SKOR2: variants seen among roughly 807,000 people sequenced by gnomAD.
The protein encoded by SKOR2 is LBX1 corepressor 1-like protein.
In SKOR2, 47 loss-of-function variants were observed where a neutral mutation model predicts 69.1. The observed-to-expected ratio is 0.68, with a 90% CI of 0.54 to 0.87. The LOEUF is 0.87. Among genes scored for constraint, SKOR2 ranks in the 40% least tolerant of loss-of-function variants. SKOR2 has a pLI of 0.00. For synonymous variants in SKOR2, 717 were observed against 672.6 expected (o/e 1.07, Z -1.02); for missense variants, 1,404 against 1,472.2 (o/e 0.95, Z 0.76).
At position 47,246,635 on chromosome 18, in the gene SKOR2, C is replaced by T. The variant is rs974434392; in HGVS notation, c.2549G>A (p.Gly850Asp). 17 of 1,520,350 alleles carry T rather than the reference C, an allele frequency of 1.1e-5. No homozygotes were observed. The African/African-American group carries it at 2.3e-4, about 20-fold the overall frequency. The allele number at this position is 1,520,350 out of a possible 1,614,324, so 94.2% of individuals were successfully genotyped here. A position where few individuals can be genotyped will look rare whatever the true frequency, so the allele number is the denominator to read the frequency against. Residue 850 changes from glycine (G) to aspartate (D), a missense_variant, in exon 2 of 9, where the codon GGC becomes GAC. Transcript: ENST00000425639. ...PLAPQKASGG[G>D]SSSPGSPVHH... The stretch of plus-strand genomic sequence containing the variant: ...AACTGGGCTGCCCGGGCTGCTGCTG[C>T]CGCCGCCACTCGCCTTCTGGGGGGC...
intron 4 of SKOR2, among the ~76,000 whole-genome samples, chr18:47,236,725 C>A (rs1364602868): frequency 6.6e-6 from 1 of 152,212 alleles, no homozygotes; most frequent in Non-Finnish European, 1.5e-5. Context: ...GACTTCCCAG[C>A]ATCCAGAACT....
At chr18:47,243,174 A>C (rs1003441940) in intron 4 of SKOR2, among the ~76,000 whole-genome samples, 6 of 152,222 alleles carry the variant, frequency 3.9e-5, no homozygotes, top group Admixed American at 2.0e-4. Flanking sequence ...CATTGGTCGT[A>C]CAAGACAGAC....
chr18:47,222,315 CAA>C (rs57282613), intron 6 of SKOR2, among the ~76,000 whole-genome samples: 19 of 112,488 alleles, frequency 1.7e-4, no homozygotes, highest in Middle Eastern at 4.7e-3. Context: ...GACTCTGCCT[CAA>C]AAAAAAAAAA....
chr18:47,236,094 C>A (rs2144502340), intron 4 of SKOR2, among the ~76,000 whole-genome samples: 1 of 152,322 alleles, frequency 6.6e-6, no homozygotes. Flanking sequence ...AGGTAATCCT[C>A]TCACCTCAGC....
chr18:47,248,134 G>T lies in SKOR2; in HGVS notation c.1050C>A (p.Gly350=). The T allele has an allele frequency of 1.6e-6, 2 of 1,277,892 alleles. No homozygotes were observed. The highest frequency in any genetic ancestry group is 9.8e-7 in the Non-Finnish European group (1 of 1,020,720). The allele number at this position is 1,277,892 out of a possible 1,614,324, so 79.2% of individuals were successfully genotyped here. ...AASGGAGTGG[G]GAGGGCVAGV... ...CGGCCACACAGCCACCCCCAGCGCC[G>T]CCCCCACCAGTCCCCGCGCCGCCCG... The change falls in exon 2 of 9, where the codon GGC becomes GGA. Residue 350 remains glycine, a synonymous_variant. Coordinates refer to ENST00000425639, the MANE Select transcript of SKOR2 (RefSeq NM_001278063.4). The surrounding 1 kb of genome is among the most constrained non-coding windows in gnomAD (Gnocchi z 6.4).
chr18:47,249,333 G>T, intron 1 of SKOR2, 103 bp from the exon 2 acceptor site: 1 of 1,110,230 alleles, frequency 9.0e-7, no homozygotes, highest in Non-Finnish European at 1.2e-6. Context: ...TCTTGCTTTG[G>T]TTAAGACACG....
chr18:47,217,987 T>C (rs867762983), intron 7 of SKOR2, among the ~76,000 whole-genome samples: 2 of 152,286 alleles, frequency 1.3e-5, no homozygotes, highest in Middle Eastern at 3.4e-3. Context: ...TAAGACAGCA[T>C]AATAAAATGA....
chr18:47,233,895 C>T (rs1396764690), intron 4 of SKOR2, among the ~76,000 whole-genome samples: 2 of 152,160 alleles, frequency 1.3e-5, no homozygotes, highest in African/African-American at 4.8e-5. Flanking sequence ...TAAACACAGG[C>T]AAATCTACTG....
In SKOR2 at chr18:47,221,675, AT is replaced by A. The variant is rs143613414; in HGVS notation, c.2918-1666del. ...CCCCTCCTGCCAGAATTATTTACCC[AT>A]TTTTTTTTGTACTTCTCCAGCACCC... On this transcript the variant is annotated intron_variant, in intron 6 of 8. Transcript: ENST00000425639. Among the ~76,000 whole-genome samples, 5 of 151,124 alleles carry A rather than the reference AT, an allele frequency of 3.3e-5. No individual in the cohort carries two copies. The East Asian group carries it at 7.8e-4, about 24-fold the overall frequency.
chr18:47,232,279 A>G (rs2064202762), intron 4 of SKOR2, among the ~76,000 whole-genome samples: 1 of 152,216 alleles, frequency 6.6e-6, no homozygotes, highest in Non-Finnish European at 1.5e-5. Context: ...AAAGAAAACT[A>G]TATTGCGCAT....
At chr18:47,226,685 A>C (rs952944167) in intron 6 of SKOR2, among the ~76,000 whole-genome samples, 3 of 152,240 alleles carry the variant, frequency 2.0e-5, no homozygotes, top group Non-Finnish European at 2.9e-5. Context: ...TTTACTATAC[A>C]GTCACTACAA....
intron 3 of SKOR2, 54 bp from the exon 4 acceptor site, chr18:47,245,036 C>A (rs2064265306): frequency 6.9e-7 from 1 of 1,451,554 alleles, no homozygotes; most frequent in Non-Finnish European, 9.2e-7. Flanking sequence ...ACAAGAGGCA[C>A]ACAAAGATCC....
In SKOR2 at chr18:47,247,090, C is replaced by T; in HGVS notation, c.2094G>A (p.Pro698=). ...SERHHPAPPP[P]PPPPPPPPLA... ...GAGGGGGCGGCGGGGGCGGCGGCGGCGGCGGCGGCGGGGCCGGGTGGTGGC... is the reference window on the plus strand; with the variant it reads ...GAGGGGGCGGCGGGGGCGGCGGCGGTGGCGGCGGCGGGGCCGGGTGGTGGC... The change falls in exon 2 of 9, where the codon CCG becomes CCA. Residue 698 remains proline, a synonymous_variant. Coordinates refer to ENST00000425639, the MANE Select transcript of SKOR2 (RefSeq NM_001278063.4). This position sits in a 1 kb window ranked among gnomAD's most constrained non-coding sequence, Gnocchi z 6.6. The T allele has an allele frequency of 9.7e-7, 1 of 1,030,112 alleles. No homozygotes were observed. The highest frequency in any genetic ancestry group is 2.5e-5 in the South Asian group (1 of 40,280). 63.8% of individuals were successfully genotyped at this position (1,030,112 alleles called of 1,614,324 possible).
Position 47,234,966 on chromosome 18 carries a change from C to T in SKOR2, c.2753-3966G>A. Among the ~76,000 whole-genome samples the T allele has an allele frequency of 1.3e-5, 2 of 151,758 alleles. 1 individual carries two copies. The highest frequency in any genetic ancestry group is 2.9e-5 in the Non-Finnish European group (2 of 67,980). On this transcript the variant is annotated intron_variant, in intron 4 of 8. Transcript: ENST00000425639. ...TGGAAGAAGCATATTTCTTGGAAGC[C>T]CAGCCTCAAACATATCTAAGACTGT...
At chr18:47,223,945 G>A (rs935280516) in intron 6 of SKOR2, among the ~76,000 whole-genome samples, 1 of 149,912 alleles carries the variant, frequency 6.7e-6, no homozygotes, top group East Asian at 2.0e-4. Context: ...TCACTCTGTC[G>A]CCCAGGCTGG....
At chr18:47,232,041 A>G (rs939509357) in intron 4 of SKOR2, among the ~76,000 whole-genome samples, 2 of 152,012 alleles carry the variant, frequency 1.3e-5, no homozygotes, top group Admixed American at 6.6e-5. Context: ...TTGGAGGCTA[A>G]GGTGGGAGGA....
At chr18:47,245,077 C>G (rs1461292454) in intron 3 of SKOR2, 95 bp from the exon 4 acceptor site, 1 of 927,170 alleles carries the variant, frequency 1.1e-6, no homozygotes, top group East Asian at 2.7e-5. Flanking sequence ...GAGGATGCTA[C>G]TTATTATATC....
chr18:47,246,526 T>C, intron 2 of SKOR2, 45 bp downstream of exon 2: 1 of 1,460,326 alleles, frequency 6.8e-7, no homozygotes. Flanking sequence ...AAGGTGCATT[T>C]AAATAATAAT....
chr18:47,247,832 G>A lies in SKOR2; in HGVS notation c.1352C>T (p.Ser451Phe). The change falls in exon 2 of 9, where the codon TCC (serine) becomes TTC (phenylalanine). Residue 451 changes from serine to phenylalanine, a missense_variant. Ser to Phe is a radical substitution (Grantham distance 155). This residue lies in a region of SKOR2 where 1,266 missense variants were observed against 1,309.9 expected (regional missense o/e 0.97). Coordinates refer to ENST00000425639, the MANE Select transcript of SKOR2 (RefSeq NM_001278063.4). The surrounding 1 kb of genome is among the most constrained non-coding windows in gnomAD (Gnocchi z 6.6). ...GAGAAPKAGL[S>F]GLFWPAGRKD... Reference sequence around the variant, plus strand: ...GCGGCCCGCGGGCCAGAAGAGGCCGGACAAGCCGGCCTTGGGCGCCGCGCC... The same window carrying A: ...GCGGCCCGCGGGCCAGAAGAGGCCGAACAAGCCGGCCTTGGGCGCCGCGCC... The A allele has an allele frequency of 7.2e-7, 1 of 1,382,364 alleles. No individual in the cohort carries two copies. Among genetic ancestry groups the A allele is most frequent in the Non-Finnish European group, 9.3e-7 (1 of 1,077,300 alleles). 85.6% of individuals were successfully genotyped at this position (1,382,364 alleles called of 1,614,324 possible). A position where few individuals can be genotyped will look rare whatever the true frequency, so the allele number is the denominator to read the frequency against.
Sources: allele counts gnomAD v4.1 joint callset (sites outside exome capture counted in the v4.1 genomes callset), GRCh38; gene constraint gnomAD v4.1.1; regional missense constraint gnomAD v4.1.1; non-coding constraint Gnocchi (gnomAD v3.1); transcripts MANE v1.5; gene names NCBI Gene and HGNC (gene_info 2026-07-23, HGNC 2026-07-21).